Variants in GLT8D2 observed in about 807,000 individuals in gnomAD.
GLT8D2 encodes glycosyltransferase 8 domain-containing protein 2.
Under a neutral mutation model 44.5 loss-of-function variants are expected in GLT8D2, and 45 were observed. The observed-to-expected ratio is 1.01, with a 90% CI of 0.80 to 1.30. The LOEUF (loss-of-function observed/expected upper bound fraction) is 1.30. GLT8D2 is among the 50% of genes most tolerant of loss of function. The pLI is 0.00. For synonymous variants in GLT8D2, 156 were observed against 157.2 expected, an observed-to-expected ratio of 0.99 and a Z score of 0.06; for missense variants, 400 against 430.4, an observed-to-expected ratio of 0.93 and a Z score of 0.62.
At chr12:104,024,769 G>A (rs73177962) in intron 1 of GLT8D2, among the ~76,000 whole-genome samples, 3,438 of 151,856 alleles carry the variant, frequency 0.023, 65 homozygotes, top group Middle Eastern at 0.058. Flanking sequence ...TATATATTCC[G>A]CATACAAGTC....
chr12:104,016,772 AAAG>A (rs1230213776), intron 3 of GLT8D2, among the ~76,000 whole-genome samples: 1,294 of 87,640 alleles, frequency 0.015, 24 homozygotes, highest in Non-Finnish European at 0.02. Flanking sequence ...AGAAAGAAAG[AAAG>A]AAGGAAGGAA....
intron 3 of GLT8D2, among the ~76,000 whole-genome samples, chr12:104,016,715 G>GAA (rs370216314): frequency 1.3e-3 from 47 of 35,812 alleles, no homozygotes; most frequent in Middle Eastern, 9.8e-3. Context: ...GAGAGAGAAA[G>GAA]AAAGAAAGAA....
At chr12:104,037,233 C>T (rs1490688112) in intron 1 of GLT8D2, among the ~76,000 whole-genome samples, 1 of 152,138 alleles carries the variant, frequency 6.6e-6, no homozygotes, top group African/African-American at 2.4e-5. Flanking sequence ...AATCGACACC[C>T]TAACATCACA....
intron 1 of GLT8D2, among the ~76,000 whole-genome samples, chr12:104,036,172 G>C (rs1452916429): frequency 6.6e-6 from 1 of 152,174 alleles, no homozygotes; most frequent in Non-Finnish European, 1.5e-5. Flanking sequence ...ACTAAACATG[G>C]AAAGGAAAAA....
At chr12:104,025,147 T>C (rs1878425667) in intron 1 of GLT8D2, among the ~76,000 whole-genome samples, 1 of 151,618 alleles carries the variant, frequency 6.6e-6, no homozygotes, top group Non-Finnish European at 1.5e-5. Context: ...GTCTTTTCAG[T>C]CTCTTAACAA....
chr12:104,011,110 C>A (rs1331243280), intron 4 of GLT8D2, among the ~76,000 whole-genome samples: 1 of 152,162 alleles, frequency 6.6e-6, no homozygotes, highest in African/African-American at 2.4e-5. Context: ...CTGCTCTCTG[C>A]CAAAAAGTTC....
chr12:104,030,088 A>G (rs1032628312), intron 1 of GLT8D2, among the ~76,000 whole-genome samples: 4 of 152,224 alleles, frequency 2.6e-5, no homozygotes, highest in African/African-American at 9.6e-5. Context: ...ATTTTAAATT[A>G]TATTTACAAA....
chr12:103,998,360 G>T (rs1375213688), intron 6 of GLT8D2, among the ~76,000 whole-genome samples: 1 of 151,430 alleles, frequency 6.6e-6, no homozygotes, highest in Non-Finnish European at 1.5e-5. Flanking sequence ...TCAGCCTCCT[G>T]AGTAGGTAGC....
At chr12:104,016,863 A>AAAGAAAGAAAGAAAGAAAGG (rs1566199900) in intron 3 of GLT8D2, among the ~76,000 whole-genome samples, 4 of 150,898 alleles carry the variant, frequency 2.7e-5, no homozygotes, top group African/African-American at 9.8e-5. Flanking sequence ...AGAAAGAAAG[A>AAAGAAAGAAAGAAAGAAAGG]AAGAAAGAAA....
rs1566187153 is a variant in GLT8D2, at chr12:103,989,472, T to C, written c.986A>G (p.Asp329Gly). ...KPWDFPSVHN[D>G]LWESWFVPDP... ...AGGAACAAACCAGCTTTCCCATAAG[T>C]CGTTGTGAACACTAGGGAAGTCCCA... The change falls in exon 11 of 11, where the codon GAC becomes GGC. Residue 329 changes from aspartate to glycine, a missense_variant. Transcript: ENST00000360814. 1.9e-6 allele frequency: 3 copies of C among 1,613,810 alleles called. No homozygotes were observed. The South Asian group carries it at 3.3e-5, about 18-fold the overall frequency.
rs981810254 is a variant in GLT8D2, at chr12:103,997,388, A to G, written c.487+63T>C. On this transcript the variant is annotated intron_variant, in intron 7 of 10. Coordinates refer to ENST00000360814, the MANE Select transcript of GLT8D2 (RefSeq NM_001384711.1). ...AATTAGTTATTTGAAAAATGAAGAG[A>G]GACAGTTATTCTACTTATCAGCTGC... 6 of 1,127,358 alleles carry G rather than the reference A, an allele frequency of 5.3e-6. No homozygotes were observed. The African/African-American group carries it at 9.2e-5, about 17-fold the overall frequency. The allele number at this position is 1,127,358 out of a possible 1,614,324, so 69.8% of individuals were successfully genotyped here.
At chr12:104,016,192 A>G (rs367593442) in intron 3 of GLT8D2, among the ~76,000 whole-genome samples, 7 of 152,162 alleles carry the variant, frequency 4.6e-5, no homozygotes, top group African/African-American at 1.7e-4. Context: ...GTTTTTCCCC[A>G]TTTAGTATGA....
intron 10 of GLT8D2, among the ~76,000 whole-genome samples, chr12:103,990,129 A>C (rs1326074091): frequency 5.8e-4 from 49 of 83,978 alleles, no homozygotes; most frequent in Middle Eastern, 7.2e-3. Flanking sequence ...ATATATATAT[A>C]TATATGTAGG....
Position 104,012,192 on chromosome 12 carries a change from ATAT to A in GLT8D2, c.112+2818_112+2820del, listed in dbSNP as rs1566197227. Among the ~76,000 whole-genome samples the A allele has an allele frequency of 9.5e-3, 804 of 84,218 alleles. 5 individuals are homozygous for A. The highest frequency in any genetic ancestry group is 0.021 in the African/African-American group (448 of 21,266). 55.3% of individuals were successfully genotyped at this position (84,218 alleles called of 152,430 possible). ...TCTCAAAAAAAAAAAAAAAAAAAATATATATATATATATATATATACCTTAAAC... is the reference window on the plus strand; with the variant it reads ...TCTCAAAAAAAAAAAAAAAAAAAATAATATATATATATATATACCTTAAAC... On this transcript the variant is annotated intron_variant, in intron 4 of 10. Coordinates refer to ENST00000360814, the MANE Select transcript of GLT8D2 (RefSeq NM_001384711.1).
intron 1 of GLT8D2, among the ~76,000 whole-genome samples, chr12:104,025,013 T>C (rs1878383225): frequency 1.5e-5 from 2 of 133,222 alleles, no homozygotes; most frequent in South Asian, 4.7e-4. Context: ...GAGGTTGCAG[T>C]GAGCCGAGAT....
intron 1 of GLT8D2, among the ~76,000 whole-genome samples, chr12:104,022,284 G>A (rs2136390068): frequency 6.6e-6 from 1 of 152,164 alleles, no homozygotes; most frequent in East Asian, 1.9e-4. Context: ...GAGAGGGCAG[G>A]CTTTCAGAGT....
intron 1 of GLT8D2, among the ~76,000 whole-genome samples, chr12:104,057,822 CT>C (rs907640756): frequency 1.2e-4 from 18 of 152,054 alleles, no homozygotes; most frequent in Non-Finnish European, 2.4e-4. Flanking sequence ...TTCTTTCTTT[CT>C]TTTTTTCCCC....
chr12:103,991,738 A>G (rs1192158292), intron 10 of GLT8D2, among the ~76,000 whole-genome samples: 1 of 151,832 alleles, frequency 6.6e-6, no homozygotes. Context: ...GCTCAGGAAA[A>G]TCAGAGGATT....
At chr12:104,005,789 T>C (rs1333121416) in intron 4 of GLT8D2, among the ~76,000 whole-genome samples, 1 of 152,210 alleles carries the variant, frequency 6.6e-6, no homozygotes, top group African/African-American at 2.4e-5. Flanking sequence ...TTGGTGGAAC[T>C]GTAAACTGGT....
Sources: gnomAD v4.1 joint callset for allele counts (sites outside exome capture counted in the v4.1 genomes callset) on GRCh38, gnomAD v4.1.1 for gene constraint, MANE v1.5 for transcripts, NCBI Gene and HGNC (gene_info 2026-07-23, HGNC 2026-07-21) for gene names.